The following AFF3 variants were observed in gnomAD, a reference collection of about 807,000 sequenced individuals.
AFF3 encodes ALF transcription elongation factor 3.
AFF3 carries 32 observed loss-of-function variants against 129.7 expected under a neutral mutation model. The observed-to-expected ratio is 0.25, with a 90% confidence interval of 0.19 to 0.33. The LOEUF is 0.33. Among genes scored for constraint, AFF3 ranks in the 10% least tolerant of loss-of-function variants. The pLI is 1.00. For synonymous variants in AFF3, 644 were observed against 635.4 expected (o/e 1.01, Z -0.20); for missense variants, 1,373 against 1,592.0 (o/e 0.86, Z 2.34).
chr2:99,604,645 G>A (rs1253047510), intron 13 of AFF3, among the ~76,000 whole-genome samples: 1 of 151,996 alleles, frequency 6.6e-6, no homozygotes, highest in Admixed American at 6.6e-5. Flanking sequence ...ATCGTTTTTT[G>A]GTAGATCCCA....
intron 7 of AFF3, among the ~76,000 whole-genome samples, chr2:100,003,779 T>C (rs1681676382): frequency 6.6e-6 from 1 of 152,174 alleles, no homozygotes; most frequent in African/African-American, 2.4e-5. Flanking sequence ...ATTCAAAATT[T>C]CCAAATTTTT....
At chr2:99,774,887 A>C (rs1286482644) in intron 8 of AFF3, among the ~76,000 whole-genome samples, 1 of 152,226 alleles carries the variant, frequency 6.6e-6, no homozygotes, top group African/African-American at 2.4e-5. Context: ...GAACTTAAAC[A>C]AATTTACAAG....
chr2:100,011,749 C>A (rs1430275076), intron 4 of AFF3, among the ~76,000 whole-genome samples: 3 of 152,164 alleles, frequency 2.0e-5, no homozygotes, highest in Admixed American at 1.3e-4. Flanking sequence ...ACAGTAGATG[C>A]AGCCATGAAA....
rs985764131 is a variant in AFF3, at chr2:99,549,655, T to G, written c.*1819A>C. On this transcript the variant is annotated 3_prime_UTR_variant, in exon 25 of 25. Coordinates refer to ENST00000672756, the MANE Select transcript of AFF3 (RefSeq NM_001386135.1). ...GTAAAATGGAAATTCTCTTAATATT[T>G]CCAAATGCTTGAAGGCCAAAGCCAA... is the stretch of plus-strand genomic sequence containing the variant. The G allele has an allele frequency of 2.4e-5, 5 of 211,680 alleles. No individual in the cohort carries two copies. The highest frequency in any genetic ancestry group is 1.1e-4 in the African/African-American group (5 of 44,128). 13.1% of individuals were successfully genotyped at this position (211,680 alleles called of 1,614,324 possible).
chr2:99,629,566 G>A (rs1335168265), intron 13 of AFF3, among the ~76,000 whole-genome samples: 2 of 152,230 alleles, frequency 1.3e-5, no homozygotes, highest in Non-Finnish European at 2.9e-5. Context: ...ACTGAGTGCA[G>A]CTTTCCTTTT....
At chr2:99,552,717 G>T (rs1674519925) in intron 24 of AFF3, among the ~76,000 whole-genome samples, 1 of 152,120 alleles carries the variant, frequency 6.6e-6, no homozygotes, top group African/African-American at 2.4e-5. Flanking sequence ...AGCAGGTAGG[G>T]GTAGGGGAAC....
At chr2:99,934,342 T>C (rs1233488415) in intron 7 of AFF3, among the ~76,000 whole-genome samples, 2 of 152,126 alleles carry the variant, frequency 1.3e-5, no homozygotes, top group Admixed American at 6.5e-5. Context: ...AATGAACATG[T>C]TCTGTGAGCT....
At chr2:99,583,243 C>T (rs561012923) in intron 16 of AFF3, among the ~76,000 whole-genome samples, 16 of 152,318 alleles carry the variant, frequency 1.1e-4, no homozygotes, top group Non-Finnish European at 1.8e-4. Context: ...CCAAAGTACA[C>T]GACTAAGACT....
chr2:99,956,338 G>T (rs1440216003), intron 7 of AFF3, among the ~76,000 whole-genome samples: 2 of 152,066 alleles, frequency 1.3e-5, no homozygotes, highest in Admixed American at 6.5e-5. Context: ...TGACGTGGGG[G>T]AAAAGTCTGA....
rs1357132708 is a variant in AFF3 at position 99,994,427 on chromosome 2, T to C, written c.873+12205A>G. ...TCAATTCATGTTTGTTAGTTTTTTT[T>C]CCAGATGGTGGGATTTGAGTTGATT... is the stretch of plus-strand genomic sequence containing the variant. On this transcript the variant is annotated intron_variant, in intron 7 of 24. Transcript: ENST00000672756. 2.0e-5 allele frequency among the ~76,000 whole-genome samples: 3 copies of C among 152,222 alleles called. No individual in the cohort carries two copies. The East Asian group carries it at 5.8e-4, about 29-fold the overall frequency.
chr2:99,736,864 T>C (rs1575826661), intron 10 of AFF3, among the ~76,000 whole-genome samples: 1 of 151,852 alleles, frequency 6.6e-6, no homozygotes, highest in African/African-American at 2.4e-5. Context: ...CCCACCTCGG[T>C]CTCCCAAACT....
chr2:99,953,770 T>C (rs1322564672), intron 7 of AFF3, among the ~76,000 whole-genome samples: 2 of 152,142 alleles, frequency 1.3e-5, no homozygotes, highest in Non-Finnish European at 2.9e-5. Flanking sequence ...GCAAGAACTG[T>C]AGAACCAAAT....
chr2:99,575,614 G>T (rs1303712487), intron 18 of AFF3, among the ~76,000 whole-genome samples: 9 of 152,038 alleles, frequency 5.9e-5, no homozygotes, highest in Non-Finnish European at 1.3e-4. Context: ...TAGTTCGATG[G>T]TTGAGTGGCT....
chr2:100,063,945 C>T (rs995921030), intron 4 of AFF3, among the ~76,000 whole-genome samples: 2 of 151,782 alleles, frequency 1.3e-5, no homozygotes, highest in Admixed American at 6.6e-5. Context: ...CAAACTTAGC[C>T]GGGCATGGTG....
intron 11 of AFF3, among the ~76,000 whole-genome samples, chr2:99,690,214 TC>T (rs1675484345): frequency 6.8e-6 from 1 of 146,784 alleles, no homozygotes; most frequent in South Asian, 2.2e-4. Context: ...ACAGTCTCGC[TC>T]TGTCGCCCAG....
chr2:99,833,953 T>C (rs1688680655), intron 8 of AFF3, among the ~76,000 whole-genome samples: 1 of 152,314 alleles, frequency 6.6e-6, no homozygotes. Context: ...TAAAAAATAA[T>C]TATATGTTAG....
At chr2:99,897,116 TA>T (rs1020182320) in intron 7 of AFF3, among the ~76,000 whole-genome samples, 128 of 152,284 alleles carry the variant, frequency 8.4e-4, no homozygotes, top group African/African-American at 3.0e-3. Flanking sequence ...CTTTATCTAC[TA>T]AAGTTAAGTG....
chr2:100,007,480 T>C lies in AFF3; in HGVS notation c.175-20A>G. On this transcript the variant is annotated intron_variant, in intron 5 of 24. Coordinates refer to ENST00000672756, the MANE Select transcript of AFF3 (RefSeq NM_001386135.1). ...GTTAGTCTGGAGAAAGAAAAACACATCCACGCTATTGTTAGAGACAACAGA... is the reference window on the plus strand; with the variant it reads ...GTTAGTCTGGAGAAAGAAAAACACACCCACGCTATTGTTAGAGACAACAGA... The C allele has an allele frequency of 1.3e-6, 2 of 1,598,356 alleles. No homozygotes were observed. The highest frequency in any genetic ancestry group is 1.7e-6 in the Non-Finnish European group (2 of 1,171,280).
intron 13 of AFF3, among the ~76,000 whole-genome samples, chr2:99,626,235 C>T (rs1345981249): frequency 1.3e-5 from 2 of 152,184 alleles, no homozygotes; most frequent in Non-Finnish European, 2.9e-5. Context: ...AGTCCATTTC[C>T]CAAGCTCACG....
Sources: gnomAD v4.1 joint callset for allele counts (sites outside exome capture counted in the v4.1 genomes callset) on GRCh38, gnomAD v4.1.1 for gene constraint, MANE v1.5 for transcripts, NCBI Gene and HGNC (gene_info 2026-07-23, HGNC 2026-07-21) for gene names.